Variants in PEX7 observed in about 807,000 individuals in gnomAD.
PEX7 encodes the protein PTS2 receptor.
In PEX7, 34 loss-of-function variants were observed where a neutral mutation model predicts 47.5. The observed-to-expected ratio is 0.72, with a 90% CI of 0.54 to 0.95. PEX7 has a LOEUF of 0.95. Ranked by LOEUF, PEX7 falls within the 40% of genes least tolerant of loss-of-function variation. The probability of loss-of-function intolerance (pLI) is 0.00; values close to 1 mark genes in which losing one functional copy is unlikely to be tolerated. For synonymous variants in PEX7, 141 were observed against 148.8 expected (o/e 0.95, Z 0.38); for missense variants, 394 against 400.3 (o/e 0.98, Z 0.13).
intron 9 of PEX7, among the ~76,000 whole-genome samples, chr6:136,910,040 C>T (rs1487062983): frequency 1.3e-5 from 2 of 152,114 alleles, no homozygotes; most frequent in African/African-American, 4.8e-5. Context: ...AAACTGAAAA[C>T]TGCAAGATTA....
chr6:136,850,215 A>G (rs1010055321), intron 5 of PEX7, among the ~76,000 whole-genome samples: 1 of 151,286 alleles, frequency 6.6e-6, no homozygotes, highest in East Asian at 1.9e-4. Context: ...TGCTTGGTAG[A>G]TCTTCCTTCA....
intron 5 of PEX7, among the ~76,000 whole-genome samples, chr6:136,848,587 T>G (rs1407692650): frequency 6.6e-6 from 1 of 152,242 alleles, no homozygotes; most frequent in Non-Finnish European, 1.5e-5. Context: ...CAAAGGCCTT[T>G]TCTGCATCTG....
rs185763950 is a variant in PEX7 at position 136,874,656 on chromosome 6, G to A, written c.803+2403G>A. Among the ~76,000 whole-genome samples the A allele has an allele frequency of 9.2e-3, 1,288 of 140,482 alleles. 12 individuals are homozygous for A. The highest frequency in any genetic ancestry group is 0.033 in the African/African-American group (1,231 of 37,604). 92.2% of individuals were successfully genotyped at this position (140,482 alleles called of 152,430 possible). A position where few individuals can be genotyped will look rare whatever the true frequency, so the allele number is the denominator to read the frequency against. ...TGCACTCCAGCCTGGGTGACAGAGT[G>A]AGACTTTGCCTCAAAAAAAAAAAAA... On this transcript the variant is annotated intron_variant, in intron 8 of 9. Coordinates refer to ENST00000318471, the MANE Select transcript of PEX7 (RefSeq NM_000288.4).
At chr6:136,913,337 T>C in intron 9 of PEX7, 121 bp from the exon 10 acceptor site, 1 of 741,558 alleles carries the variant, frequency 1.3e-6, no homozygotes, top group Non-Finnish European at 2.4e-6. Context: ...GTTTTCCCTA[T>C]TCAAAAATAT....
rs140773913 is a variant in PEX7, at chr6:136,828,282, T to G, written c.339+1813T>G. ...GAATAAAATAAATGTATGTACCAGT[T>G]AAAATAATCTCTGGTGTAACTACTC... On this transcript the variant is annotated intron_variant, in intron 3 of 9. Transcript: ENST00000318471. 2.3e-3 allele frequency among the ~76,000 whole-genome samples: 352 copies of G among 152,346 alleles called. 8 individuals carry two copies. Among genetic ancestry groups the G allele is most frequent in the Non-Finnish European group, 2.0e-3 (135 of 68,030 alleles).
intron 5 of PEX7, 130 bp from the exon 6 acceptor site, chr6:136,866,496 TA>T: frequency 1.3e-6 from 1 of 746,222 alleles, no homozygotes; most frequent in Non-Finnish European, 2.4e-6. Flanking sequence ...GTTTAAAAAA[TA>T]AGTCTGAAGG....
rs1454144178 is a variant in PEX7 at position 136,822,978 on chromosome 6, G to C, written c.130+183G>C. 3 of 985,384 alleles carry C rather than the reference G, an allele frequency of 3.0e-6. No homozygotes were observed. In the African/African-American group the frequency reaches 5.2e-5, roughly 17 times the overall value. 61.0% of individuals were successfully genotyped at this position (985,384 alleles called of 1,614,324 possible). A position where few individuals can be genotyped will look rare whatever the true frequency, so the allele number is the denominator to read the frequency against. On this transcript the variant is annotated intron_variant, in intron 1 of 9. Coordinates refer to ENST00000318471, the MANE Select transcript of PEX7 (RefSeq NM_000288.4). ...TTTCTTTGCCGAGTGCGAGGAGTTG[G>C]TCTGAAGCAGGAGTCGATCTTCCAG...
intron 9 of PEX7, among the ~76,000 whole-genome samples, chr6:136,907,940 C>T (rs138747417): frequency 6.6e-6 from 1 of 152,198 alleles, no homozygotes; most frequent in Admixed American, 6.5e-5. Flanking sequence ...ATTTGATCCA[C>T]TATTGGTAAA....
chr6:136,870,455 C>T (rs1775154402), intron 7 of PEX7, among the ~76,000 whole-genome samples: 1 of 152,142 alleles, frequency 6.6e-6, no homozygotes, highest in African/African-American at 2.4e-5. Context: ...AAGTTTTCTA[C>T]TCTGTGAACA....
At position 136,825,208 on chromosome 6, in the gene PEX7, C is replaced by T; in HGVS notation, c.131-6C>T. 6.2e-7 allele frequency: 1 copy of T among 1,613,130 alleles called. No homozygotes were observed. Among genetic ancestry groups the T allele is most frequent in the Non-Finnish European group, 8.5e-7 (1 of 1,179,220 alleles). On this transcript the variant is annotated splice_region_variant and splice_polypyrimidine_tract_variant and intron_variant, in intron 1 of 9. Transcript: ENST00000318471. ...AAGGGATGACCTTGATTTTTTTTCT[C>T]TTTAGGCTGTGGAACCCTACTAATA...
At chr6:136,838,200 A>G (rs1162655272) in intron 3 of PEX7, among the ~76,000 whole-genome samples, 1 of 152,212 alleles carries the variant, frequency 6.6e-6, no homozygotes, top group Non-Finnish European at 1.5e-5. Context: ...TAGGATCACT[A>G]AAAGTGGGTC....
intron 5 of PEX7, among the ~76,000 whole-genome samples, chr6:136,857,807 G>C (rs1424517005): frequency 6.6e-6 from 1 of 152,184 alleles, no homozygotes; most frequent in Non-Finnish European, 1.5e-5. Context: ...GACTGGCAGA[G>C]TAAAAGCTCT....
intron 3 of PEX7, among the ~76,000 whole-genome samples, chr6:136,835,365 T>C (rs1268601208): frequency 6.6e-6 from 1 of 152,040 alleles, no homozygotes; most frequent in Non-Finnish European, 1.5e-5. Context: ...CTCAGCTCAC[T>C]GCAACTTCCA....
intron 3 of PEX7, among the ~76,000 whole-genome samples, chr6:136,832,035 C>G (rs187838915): frequency 6.6e-6 from 1 of 152,354 alleles, no homozygotes; most frequent in South Asian, 2.1e-4. Context: ...GGCCTTCAAC[C>G]CCACATTTTC....
intron 5 of PEX7, among the ~76,000 whole-genome samples, chr6:136,854,305 T>C (rs1774819164): frequency 6.6e-6 from 1 of 152,138 alleles, no homozygotes; most frequent in Non-Finnish European, 1.5e-5. Flanking sequence ...CAAGCAATTC[T>C]CCTGCCTCAG....
chr6:136,829,557 T>C (rs1774256975), intron 3 of PEX7, among the ~76,000 whole-genome samples: 1 of 152,202 alleles, frequency 6.6e-6, no homozygotes, highest in Non-Finnish European at 1.5e-5. Flanking sequence ...ATTCAGTCCA[T>C]TGCATATGCC....
intron 8 of PEX7, among the ~76,000 whole-genome samples, chr6:136,883,404 TCCACTTGTCA>T (rs1413919553): frequency 6.6e-6 from 1 of 152,096 alleles, no homozygotes; most frequent in East Asian, 1.9e-4. Context: ...CCAAATCCAG[TCCACTTGTCA>T]GCATTTGTCA....
chr6:136,855,311 T>G (rs1774839422), intron 5 of PEX7, among the ~76,000 whole-genome samples: 2 of 152,052 alleles, frequency 1.3e-5, no homozygotes, highest in Non-Finnish European at 2.9e-5. Flanking sequence ...ATGTTTGTTA[T>G]TATTTAAAGT....
intron 5 of PEX7, among the ~76,000 whole-genome samples, chr6:136,858,746 T>A (rs1431105193): frequency 1.3e-4 from 20 of 152,216 alleles, no homozygotes; most frequent in Admixed American, 9.2e-4. Flanking sequence ...ACTCTTTTTT[T>A]AAAAATCTAC....
Sources: allele counts gnomAD v4.1 joint callset (sites outside exome capture counted in the v4.1 genomes callset), GRCh38; gene constraint gnomAD v4.1.1; transcripts MANE v1.5; gene names NCBI Gene and HGNC (gene_info 2026-07-23, HGNC 2026-07-21).